IDNK: variants seen among roughly 807,000 people sequenced by gnomAD.
IDNK encodes gluconokinase.
In IDNK, 9 loss-of-function variants were observed where a neutral mutation model predicts 13.0. The ratio of observed to expected loss-of-function variants is 0.69; its 90% CI spans 0.42 to 1.21. The LOEUF (loss-of-function observed/expected upper bound fraction) is 1.21. Among genes scored for constraint, IDNK ranks in the 50% most tolerant of loss-of-function variants. The pLI is 0.00. For synonymous variants in IDNK, 92 were observed against 94.9 expected (o/e 0.97, Z 0.18); for missense variants, 210 against 237.8 (o/e 0.88, Z 0.77).
rs372373617 is a variant in IDNK, at chr9:83,639,499, G to A, written c.169-2049G>A. On this transcript the variant is annotated intron_variant, in intron 3 of 4. Coordinates refer to ENST00000376419, the MANE Select transcript of IDNK (RefSeq NM_001001551.4). Reference sequence around the variant, plus strand: ...TGTGTCATGGGAAAAAATAAACTATGAACAAAAGCTAGTTGTTTGACAAAA... The same window carrying A: ...TGTGTCATGGGAAAAAATAAACTATAAACAAAAGCTAGTTGTTTGACAAAA... Among the ~76,000 whole-genome samples the A allele has an allele frequency of 2.0e-5, 3 of 152,288 alleles. No individual in the cohort carries two copies. In the East Asian group the frequency reaches 5.8e-4, roughly 29 times the overall value.
chr9:83,629,018 G>T (rs2811905), intron 3 of IDNK, 59 bp downstream of exon 3: 1,049,092 of 1,350,490 alleles, frequency 0.78, 409,097 homozygotes, highest in African/African-American at 0.9. Context: ...GGATGAGCTC[G>T]CTACAGCACT....
At chr9:83,640,618 G>A (rs560282467) in intron 3 of IDNK, among the ~76,000 whole-genome samples, 1 of 152,218 alleles carries the variant, frequency 6.6e-6, no homozygotes, top group South Asian at 2.1e-4. Flanking sequence ...AAGGCAGGCG[G>A]ATCACCTGAG....
At chr9:83,627,612 C>T (rs1830890154) in intron 1 of IDNK, among the ~76,000 whole-genome samples, 1 of 151,958 alleles carries the variant, frequency 6.6e-6, no homozygotes, top group African/African-American at 2.4e-5. Flanking sequence ...AGATAGTTAC[C>T]AAATGCTCTA....
intron 1 of IDNK, chr9:83,626,992 T>A (rs973705851): frequency 1.1e-5 from 3 of 278,544 alleles, no homozygotes; most frequent in African/African-American, 6.9e-5. Context: ...TAGAATTTAA[T>A]CACATTGTTC....
At chr9:83,632,718 T>C (rs191589339) in intron 3 of IDNK, among the ~76,000 whole-genome samples, 2 of 152,320 alleles carry the variant, frequency 1.3e-5, no homozygotes, top group Admixed American at 1.3e-4. Flanking sequence ...ATCAGAGCCA[T>C]AGGCAGAGAT....
At chr9:83,636,409 T>C (rs1831167412) in intron 3 of IDNK, among the ~76,000 whole-genome samples, 4 of 152,334 alleles carry the variant, frequency 2.6e-5, no homozygotes, top group African/African-American at 9.6e-5. Context: ...CCTATAATCC[T>C]TGACATCCTT....
chr9:83,632,017 G>T (rs1289580236), intron 3 of IDNK, among the ~76,000 whole-genome samples: 2 of 151,562 alleles, frequency 1.3e-5, no homozygotes, highest in Non-Finnish European at 2.9e-5. Flanking sequence ...TGTAATATTT[G>T]CCCTGTATAG....
At chr9:83,628,981 C>A (rs766653089) in intron 3 of IDNK, 22 bp downstream of exon 3, 5 of 1,581,028 alleles carry the variant, frequency 3.2e-6, no homozygotes, top group Admixed American at 3.3e-5. Context: ...TGTCTGTGTC[C>A]ATCACACATA....
intron 4 of IDNK, 94 bp downstream of exon 4, chr9:83,641,685 C>A: frequency 8.1e-7 from 1 of 1,238,226 alleles, no homozygotes; most frequent in Non-Finnish European, 1.2e-6. Flanking sequence ...CCTGAAATCA[C>A]AACTGACTGA....
chr9:83,625,250 T>G (rs184040794), intron 1 of IDNK, among the ~76,000 whole-genome samples: 1 of 151,474 alleles, frequency 6.6e-6, no homozygotes, highest in East Asian at 1.9e-4. Context: ...AAGGAGGGAG[T>G]CGCCACAAAC....
chr9:83,628,836 T>C, intron 2 of IDNK, 37 bp from the exon 3 acceptor site: 1 of 1,452,844 alleles, frequency 6.9e-7, no homozygotes, highest in Non-Finnish European at 9.7e-7. Flanking sequence ...TTGGCCCATC[T>C]GCCTGCCACA....
intron 3 of IDNK, among the ~76,000 whole-genome samples, chr9:83,638,524 G>A (rs1029295045): frequency 6.6e-6 from 1 of 152,146 alleles, no homozygotes; most frequent in Non-Finnish European, 1.5e-5. Flanking sequence ...TATTCAAATA[G>A]GTAGTAACAA....
chr9:83,639,053 G>A (rs1356571455), intron 3 of IDNK, among the ~76,000 whole-genome samples: 1 of 152,090 alleles, frequency 6.6e-6, no homozygotes, highest in East Asian at 1.9e-4. Context: ...ACCACAAAGA[G>A]TATTGCCACA....
At chr9:83,623,377 C>T (rs1830756289) in intron 1 of IDNK, 156 bp downstream of exon 1, 3 of 703,310 alleles carry the variant, frequency 4.3e-6, no homozygotes, top group South Asian at 3.6e-5. Context: ...CTGCCGCGCC[C>T]TCTCCCCGCC....
intron 3 of IDNK, among the ~76,000 whole-genome samples, chr9:83,639,446 G>A (rs7866066): frequency 0.083 from 12,705 of 152,214 alleles, 1,724 homozygotes; most frequent in African/African-American, 0.29. Flanking sequence ...AACAAACTGG[G>A]CACATGTTCT....
chr9:83,626,219 C>G (rs543958562), intron 1 of IDNK, among the ~76,000 whole-genome samples: 1 of 152,112 alleles, frequency 6.6e-6, no homozygotes, highest in African/African-American at 2.4e-5. Context: ...TATTTTTGGG[C>G]CCAGCACTGT....
chr9:83,631,093 T>C (rs1480328183), intron 3 of IDNK, among the ~76,000 whole-genome samples: 3 of 152,092 alleles, frequency 2.0e-5, no homozygotes, highest in Non-Finnish European at 1.5e-5. Flanking sequence ...CTGGCACCAA[T>C]ACAGCTCCTG....
rs751798667 is a variant in IDNK, at chr9:83,643,592, G to A, written c.376G>A (p.Gly126Arg). Residue 126 changes from glycine (G) to arginine (R), a missense_variant, in exon 5 of 5, where the codon GGG becomes AGG. Transcript: ENST00000376419. ...EMQLLVVHLS[G>R]SFEVISGRLL... Reference sequence around the variant, plus strand: ...GCAGCTCCTGGTGGTCCATCTGAGCGGGTCGTTTGAGGTCATCTCTGGACG... The same window carrying A: ...GCAGCTCCTGGTGGTCCATCTGAGCAGGTCGTTTGAGGTCATCTCTGGACG... 2.1e-5 allele frequency: 34 copies of A among 1,613,850 alleles called. No homozygotes were observed. The highest frequency in any genetic ancestry group is 8.3e-5 in the Admixed American group (5 of 59,974).
At chr9:83,642,996 C>A (rs527733402) in intron 4 of IDNK, among the ~76,000 whole-genome samples, 3 of 152,286 alleles carry the variant, frequency 2.0e-5, no homozygotes, top group Admixed American at 2.0e-4. Context: ...CCCTGAACAT[C>A]CTGCAGAGGA....
Sources: allele counts gnomAD v4.1 joint callset (sites outside exome capture counted in the v4.1 genomes callset), GRCh38; gene constraint gnomAD v4.1.1; transcripts MANE v1.5; gene names NCBI Gene and HGNC (gene_info 2026-07-23, HGNC 2026-07-21).